The following TRIM55 variants were observed in gnomAD, a reference collection of about 807,000 sequenced individuals.
The protein encoded by TRIM55 is tripartite motif-containing protein 55.
In TRIM55, 50 loss-of-function variants were observed where a neutral mutation model predicts 60.9. The observed-to-expected ratio is 0.82, with a 90% CI of 0.65 to 1.04. The LOEUF is 1.04. Ranked by LOEUF, TRIM55 falls within the 50% of genes least tolerant of loss-of-function variation. TRIM55 has a pLI of 0.00. For synonymous variants in TRIM55, 237 were observed against 238.1 expected, an observed-to-expected ratio of 1.00 and a Z score of 0.04; for missense variants, 681 against 666.9, an observed-to-expected ratio of 1.02 and a Z score of -0.23.
chr8:66,146,525 G>A (rs1810105366), intron 4 of TRIM55, among the ~76,000 whole-genome samples: 1 of 152,114 alleles, frequency 6.6e-6, no homozygotes, highest in African/African-American at 2.4e-5. Flanking sequence ...GAAAATTTTT[G>A]TGAATCAAAG....
At chr8:66,130,630 G>A (rs1294007679) in intron 2 of TRIM55, among the ~76,000 whole-genome samples, 1 of 150,850 alleles carries the variant, frequency 6.6e-6, no homozygotes, top group African/African-American at 2.4e-5. Context: ...AAAGGCTGGA[G>A]ACTGTAAGTC....
chr8:66,154,355 GT>G (rs1389645671), intron 9 of TRIM55, 21 bp downstream of exon 9: 1 of 1,609,318 alleles, frequency 6.2e-7, no homozygotes, highest in Non-Finnish European at 8.5e-7. Flanking sequence ...ATGCACTTGT[GT>G]CTATGCTTTC....
In TRIM55 at chr8:66,152,553, C is replaced by T. The variant is rs773391888; in HGVS notation, c.1162C>T (p.Pro388Ser). 6.2e-7 allele frequency: 1 copy of T among 1,614,166 alleles called. No homozygotes were observed. Among genetic ancestry groups the T allele is most frequent in the South Asian group, 1.1e-5 (1 of 91,086 alleles). The part of the protein sequence containing the change: ...ELSQVELQAA[P>S]GALPVSSPEP... The stretch of plus-strand genomic sequence containing the variant: ...CTCTCAGGTGGAGCTGCAGGCTGCC[C>T]CTGGGGCACTTCCAGTTTCCTCTCC... Residue 388 changes from proline to serine, a missense_variant, in exon 8 of 10, where the codon CCT becomes TCT. Transcript: ENST00000315962.
intron 1 of TRIM55, 88 bp from the exon 2 acceptor site, chr8:66,128,216 T>G (rs1047929211): frequency 2.2e-5 from 28 of 1,255,004 alleles, no homozygotes; most frequent in Non-Finnish European, 3.0e-5. Flanking sequence ...AAGTTCATGT[T>G]GTTTGTAGTA....
intron 9 of TRIM55, among the ~76,000 whole-genome samples, chr8:66,160,225 A>G (rs886704512): frequency 1.3e-5 from 2 of 152,154 alleles, no homozygotes; most frequent in Non-Finnish European, 2.9e-5. Flanking sequence ...GCTCCCACAT[A>G]TAAGTGAGAA....
At chr8:66,155,554 C>A (rs1810689741) in intron 9 of TRIM55, 3 of 1,232,472 alleles carry the variant, frequency 2.4e-6, no homozygotes, top group Middle Eastern at 2.1e-4. Context: ...ATGAAAAGTC[C>A]ATTGAAATAA....
intron 4 of TRIM55, among the ~76,000 whole-genome samples, chr8:66,144,726 T>C (rs1810012977): frequency 6.6e-6 from 1 of 152,250 alleles, no homozygotes; most frequent in Non-Finnish European, 1.5e-5. Context: ...TAAAGATACA[T>C]ACCTTTTTAC....
intron 9 of TRIM55, among the ~76,000 whole-genome samples, chr8:66,169,817 A>T (rs1001007538): frequency 2.6e-5 from 4 of 152,160 alleles, no homozygotes; most frequent in African/African-American, 9.7e-5. Flanking sequence ...CTCTCCATGC[A>T]AGTTCTGGGT....
chr8:66,144,056 G>T (rs1809971032), intron 4 of TRIM55, among the ~76,000 whole-genome samples: 1 of 152,006 alleles, frequency 6.6e-6, no homozygotes. Flanking sequence ...TGCATATTTT[G>T]TTTTTCTTAT....
intron 2 of TRIM55, among the ~76,000 whole-genome samples, chr8:66,131,194 G>T (rs1053327443): frequency 6.6e-6 from 1 of 152,164 alleles, no homozygotes. Flanking sequence ...CCGGTGAGGT[G>T]TTGATTATTA....
At chr8:66,135,608 TTTTATCC>T (rs755639404) in intron 3 of TRIM55, among the ~76,000 whole-genome samples, 2,827 of 152,262 alleles carry the variant, frequency 0.019, 42 homozygotes, top group Non-Finnish European at 0.026. Context: ...CCTCAATGCC[TTTTATCC>T]CGCACTCTTA....
intron 4 of TRIM55, among the ~76,000 whole-genome samples, chr8:66,146,483 T>C (rs749424165): frequency 6.6e-6 from 1 of 152,240 alleles, no homozygotes; most frequent in Non-Finnish European, 1.5e-5. Context: ...TGCCATAAAC[T>C]TGAATGTTCT....
intron 9 of TRIM55, among the ~76,000 whole-genome samples, chr8:66,164,922 G>A (rs1464694860): frequency 6.4e-5 from 9 of 141,464 alleles, no homozygotes; most frequent in Non-Finnish European, 1.2e-4. Flanking sequence ...AGGAAAAATG[G>A]GAAGGAGGAA....
At position 66,127,338 on chromosome 8, in the gene TRIM55, C is replaced by A. The variant is rs765536840; in HGVS notation, c.70C>A (p.Leu24Ile). The A allele has an allele frequency of 1.2e-6, 2 of 1,614,056 alleles. No homozygotes were observed. The highest frequency in any genetic ancestry group is 3.3e-5 in the Admixed American group (2 of 60,004). ...QQTMDNLEKQ[L>I]ICPICLEMFT... ...GACCATGGATAACTTAGAGAAGCAA[C>A]TCATCTGTCCCATCTGCTTAGAGAT... The change falls in exon 1 of 10, where the codon CTC (leucine) becomes ATC (isoleucine). Residue 24 changes from leucine to isoleucine, a missense_variant. Physicochemically the swap from Leu to Ile is conservative, Grantham distance 5. Transcript: ENST00000315962.
At chr8:66,127,568 T>G in intron 1 of TRIM55, 132 bp downstream of exon 1, 1 of 1,038,630 alleles carries the variant, frequency 9.6e-7, no homozygotes, top group Non-Finnish European at 1.4e-6. Flanking sequence ...GGCTCACGCC[T>G]GTAGTCCCAG....
chr8:66,171,090 T>C (rs1365510087), intron 9 of TRIM55, among the ~76,000 whole-genome samples: 2 of 152,226 alleles, frequency 1.3e-5, no homozygotes, highest in East Asian at 3.8e-4. Flanking sequence ...GCATTTCTTT[T>C]TTAAAAACAC....
In TRIM55 at chr8:66,151,982, T is replaced by A. The variant is rs529779102; in HGVS notation, c.986-395T>A. On this transcript the variant is annotated intron_variant, in intron 7 of 9. Coordinates refer to ENST00000315962, the MANE Select transcript of TRIM55 (RefSeq NM_184085.2). ...TAAAATGACAAAAGGGCTTTGTATG[T>A]TTTCTGAGACAGGGAAGACAGTTGC... Among the ~76,000 whole-genome samples the A allele has an allele frequency of 2.6e-5, 4 of 152,242 alleles. No homozygotes were observed. The South Asian group carries it at 8.3e-4, about 32-fold the overall frequency.
chr8:66,166,650 C>A (rs1461970461), intron 9 of TRIM55, among the ~76,000 whole-genome samples: 1 of 152,178 alleles, frequency 6.6e-6, no homozygotes, highest in Non-Finnish European at 1.5e-5. Context: ...TCGTTTAAAC[C>A]TCACAACAGC....
At chr8:66,121,589 C>T in the TRIM55 span, among the ~76,000 whole-genome samples, 4 of 152,346 alleles carry the variant, frequency 2.6e-5, no homozygotes, top group Admixed American at 1.3e-4. Context: ...TGTAACAGGT[C>T]GCTGAGTCTC....
Sources: gnomAD v4.1 joint callset for allele counts (sites outside exome capture counted in the v4.1 genomes callset) on GRCh38, gnomAD v4.1.1 for gene constraint, MANE v1.5 for transcripts, NCBI Gene and HGNC (gene_info 2026-07-23, HGNC 2026-07-21) for gene names.